Variants in CASKIN1 observed in about 807,000 individuals in gnomAD.
CASKIN1 encodes the protein caskin-1.
A neutral mutation model predicts 117.5 loss-of-function variants in CASKIN1; 42 were observed. The observed-to-expected ratio is 0.36, with a 90% CI of 0.28 to 0.46. CASKIN1 has a LOEUF of 0.46. Among genes scored for constraint, CASKIN1 ranks in the 20% least tolerant of loss-of-function variants. The pLI, the probability that CASKIN1 is intolerant of heterozygous loss-of-function variation, is 1.00. For synonymous variants in CASKIN1, 1,148 were observed against 961.7 expected, an observed-to-expected ratio of 1.19 and a Z score of -3.59; for missense variants, 2,083 against 2,077.3, an observed-to-expected ratio of 1.00 and a Z score of -0.05.
chr16:2,192,811 C>T (rs1226156441), intron 1 of CASKIN1, among the ~76,000 whole-genome samples: 1 of 152,180 alleles, frequency 6.6e-6, no homozygotes, highest in Non-Finnish European at 1.5e-5. Flanking sequence ...GGGACAAGGG[C>T]CGTCATCTGT....
rs751158923 is a variant in CASKIN1, at chr16:2,180,330, A to G, written c.3038T>C (p.Ile1013Thr). ...GCGGGCAGCCCGGCCCCCACCCCCA[A>G]TGGAGGACAGCTCCAGCATGGCCGC... ...SIAAMLELSS[I>T]GGGGRAARRP... The change falls in exon 18 of 20, where the codon ATT (isoleucine) becomes ACT (threonine). Residue 1013 changes from isoleucine to threonine, a missense_variant. Physicochemically the swap from Ile to Thr is moderately conservative, Grantham distance 89. Transcript: ENST00000343516. 6.3e-6 allele frequency: 10 copies of G among 1,597,356 alleles called. No individual in the cohort carries two copies. The highest frequency in any genetic ancestry group is 1.1e-5 in the South Asian group (1 of 90,052).
rs1360924210 is a variant in CASKIN1, at chr16:2,185,142, T to C, written c.1208A>G (p.His403Arg). The part of the protein sequence containing the change: ...GMAGGRGSGG[H>R]ALHAGSEGVK... Reference sequence around the variant, plus strand: ...GCCTTCAGAGCCCGCGTGTAGGGCGTGACCCCCGCTGCCCCGGCCGCCAGC... The same window carrying C: ...GCCTTCAGAGCCCGCGTGTAGGGCGCGACCCCCGCTGCCCCGGCCGCCAGC... Residue 403 changes from histidine (H) to arginine (R), a missense_variant, in exon 12 of 20, where the codon CAC becomes CGC. By Grantham distance (29) the His-to-Arg change is conservative (BLOSUM62 0). Transcript: ENST00000343516. The C allele has an allele frequency of 6.2e-7, 1 of 1,608,772 alleles. No individual in the cohort carries two copies.
chr16:2,180,751 G>A lies in CASKIN1; in HGVS notation c.2617C>T (p.Pro873Ser), dbSNP rs1259696402. Reference sequence around the variant, plus strand: ...TGGGCCCGCTTCTTGGGCCGCCCCGGCTCCGCGTCGGCCTCAGGGGGCAGG... The same window carrying A: ...TGGGCCCGCTTCTTGGGCCGCCCCGACTCCGCGTCGGCCTCAGGGGGCAGG... ...LCLPPEADAE[P>S]GRPKKRAHSL... The change falls in exon 18 of 20, where the codon CCG becomes TCG. Residue 873 changes from proline (P) to serine (S), a missense_variant. Transcript: ENST00000343516. 1 of 1,437,784 alleles carries A rather than the reference G, an allele frequency of 7.0e-7. No homozygotes were observed. Among genetic ancestry groups the A allele is most frequent in the Middle Eastern group, 2.2e-4 (1 of 4,458 alleles). The allele number at this position is 1,437,784 out of a possible 1,614,324, so 89.1% of individuals were successfully genotyped here.
chr16:2,179,078 C>T lies in CASKIN1; in HGVS notation c.4023G>A (p.Lys1341=). The T allele has an allele frequency of 2.0e-6, 2 of 982,976 alleles. No homozygotes were observed. The highest frequency in any genetic ancestry group is 2.4e-6 in the Non-Finnish European group (2 of 831,046). 60.9% of individuals were successfully genotyped at this position (982,976 alleles called of 1,614,324 possible). The change falls in exon 19 of 20, where the codon AAG becomes AAA. Residue 1341 remains lysine (K), a synonymous_variant. Transcript: ENST00000343516. The surrounding 1 kb of genome is among the most constrained non-coding windows in gnomAD (Gnocchi z 5.8). ...CGGCGGCGGCGGCGGCTCGCGGGGG[C>T]TTGGCGGGCACGTGCAGCGCGGGCG... is the stretch of plus-strand genomic sequence containing the variant. The part of the protein sequence containing the change: ...PGAPALHVPA[K]PPRAAAAAAA...
In CASKIN1 at chr16:2,180,285, G is replaced by C. The variant is rs772331098; in HGVS notation, c.3083C>G (p.Pro1028Arg). 3.2e-6 allele frequency: 5 copies of C among 1,574,404 alleles called. No homozygotes were observed. The highest frequency in any genetic ancestry group is 2.6e-6 in the Non-Finnish European group (3 of 1,163,268). ...CTCTGGGCTGGCAGGGCGGGGAGTG[G>C]GGTGGCCCTCAGGAGGCCTGCGGGC... is the stretch of plus-strand genomic sequence containing the variant. ...RAARRPPEGHPTPRPASPEPG... is the reference protein window; with the variant it reads ...RAARRPPEGHRTPRPASPEPG... Residue 1028 changes from proline (P) to arginine (R), a missense_variant, in exon 18 of 20, where the codon CCC becomes CGC. Coordinates refer to ENST00000343516, the MANE Select transcript of CASKIN1 (RefSeq NM_020764.4).
In CASKIN1 at chr16:2,179,819, C is replaced by T. The variant is rs771962081; in HGVS notation, c.3549G>A (p.Ser1183=). 7.5e-6 allele frequency: 12 copies of T among 1,589,632 alleles called. No individual in the cohort carries two copies. Among genetic ancestry groups the T allele is most frequent in the East Asian group, 6.9e-5 (3 of 43,728 alleles). The change falls in exon 18 of 20, where the codon TCG becomes TCA. Residue 1183 remains serine, a synonymous_variant. Coordinates refer to ENST00000343516, the MANE Select transcript of CASKIN1 (RefSeq NM_020764.4). This position sits in a 1 kb window ranked among gnomAD's most constrained non-coding sequence, Gnocchi z 5.8. The stretch of plus-strand genomic sequence containing the variant: ...GCAGCTCCGGAGGCCCAGCCTGCTC[C>T]GAGGCCGGTCGGCGGCGCACGGTGC... The part of the protein sequence containing the change: ...GTGTVRRRPA[S]EQAGPPELPP...
At position 2,182,027 on chromosome 16, in the gene CASKIN1, G is replaced by T; in HGVS notation, c.1630-98C>A. On this transcript the variant is annotated intron_variant, in intron 16 of 19. Coordinates refer to ENST00000343516, the MANE Select transcript of CASKIN1 (RefSeq NM_020764.4). The surrounding 1 kb of genome is among the most constrained non-coding windows in gnomAD (Gnocchi z 4.1). ...GAGGAAGGGTCACCGGGCCAGCAGG[G>T]CACAGACAGACAGGAGGACAAACGG... The T allele has an allele frequency of 6.5e-7, 1 of 1,544,360 alleles. No individual in the cohort carries two copies. Among genetic ancestry groups the T allele is most frequent in the Non-Finnish European group, 8.8e-7 (1 of 1,131,344 alleles).
rs775108304 is a variant in CASKIN1, at chr16:2,178,536, C to A, written c.*14G>T. The A allele has an allele frequency of 1.2e-5, 19 of 1,565,326 alleles. No individual in the cohort carries two copies. The East Asian group carries it at 4.6e-4, about 38-fold the overall frequency. ...AGGGCCCGGGCGGCGCGGGAGGGCCCGGCCAGGCGGCGTTCACTCCAGCAT... is the reference window on the plus strand; with the variant it reads ...AGGGCCCGGGCGGCGCGGGAGGGCCAGGCCAGGCGGCGTTCACTCCAGCAT... On this transcript the variant is annotated 3_prime_UTR_variant, in exon 20 of 20. Coordinates refer to ENST00000343516, the MANE Select transcript of CASKIN1 (RefSeq NM_020764.4).
In CASKIN1 at chr16:2,183,735, T is replaced by A. The variant is rs773983452; in HGVS notation, c.1540A>T (p.Ile514Phe). 1 of 1,613,318 alleles carries A rather than the reference T, an allele frequency of 6.2e-7. No homozygotes were observed. Among genetic ancestry groups the A allele is most frequent in the Non-Finnish European group, 8.5e-7 (1 of 1,179,988 alleles). ...CGGTGGCCCGGCTTGGTGACACCAA[T>A]GGCCGTGAGGTCCTAGGCAGTGGGG... ...SRMTPEDLTA[I>F]GVTKPGHRKK... The change falls in exon 16 of 20, where the codon ATT (isoleucine) becomes TTT (phenylalanine). Residue 514 changes from isoleucine (I) to phenylalanine (F), a missense_variant. Around this residue, in one of 3 missense-constraint regions of CASKIN1, gnomAD observed 1,818 missense variants for 1,688.9 expected, o/e 1.08. Transcript: ENST00000343516.
Position 2,183,921 on chromosome 16 carries a change from C to G in CASKIN1, c.1437G>C (p.Gln479His). The G allele has an allele frequency of 6.2e-7, 1 of 1,606,742 alleles. No homozygotes were observed. The highest frequency in any genetic ancestry group is 8.5e-7 in the Non-Finnish European group (1 of 1,178,284). Residue 479 changes from glutamine (Q) to histidine (H), a missense_variant, in exon 15 of 20, where the codon CAG becomes CAC. Gln to His is a conservative substitution (Grantham distance 24, BLOSUM62 0). Around this residue, in one of 3 missense-constraint regions of CASKIN1, gnomAD observed 1,818 missense variants for 1,688.9 expected, o/e 1.08. Transcript: ENST00000343516. ...GCTGCAGCTGGAACGCGGTGAGCCA[C>G]TGGCTCACGGCCTCAGAGCTCTGGA... ...SEGKSSEAVS[Q>H]WLTAFQLQLY... is the part of the protein sequence containing the mutation.
At chr16:2,184,520 CCCA>C (rs1402040158) in intron 14 of CASKIN1, among the ~76,000 whole-genome samples, 25 of 152,282 alleles carry the variant, frequency 1.6e-4, no homozygotes, top group East Asian at 1.4e-3. Flanking sequence ...AGCTCGCAGT[CCCA>C]CCATCACACA....
At position 2,179,655 on chromosome 16, in the gene CASKIN1, T is replaced by C. The variant is rs2093159748; in HGVS notation, c.3713A>G (p.Lys1238Arg). 4 of 1,505,674 alleles carry C rather than the reference T, an allele frequency of 2.7e-6. No homozygotes were observed. Among genetic ancestry groups the C allele is most frequent in the Non-Finnish European group, 3.5e-6 (4 of 1,133,898 alleles). The allele number at this position is 1,505,674 out of a possible 1,614,324, so 93.3% of individuals were successfully genotyped here. Residue 1238 changes from lysine (K) to arginine (R), a missense_variant, in exon 18 of 20, where the codon AAG becomes AGG. By Grantham distance (26) the Lys-to-Arg change is conservative. This residue lies in a region of CASKIN1 where 1,818 missense variants were observed against 1,688.9 expected (regional missense o/e 1.08). Transcript: ENST00000343516. This position sits in a 1 kb window ranked among gnomAD's most constrained non-coding sequence, Gnocchi z 5.8. Reference sequence around the variant, plus strand: ...GGTGGGTGTGGGCGAGCCCTGGAGCTTGGGCACAGGCTGCGTCAGGACGGG... The same window carrying C: ...GGTGGGTGTGGGCGAGCCCTGGAGCCTGGGCACAGGCTGCGTCAGGACGGG... The part of the protein sequence containing the change: ...PKPVLTQPVP[K>R]LQGSPTPTSK...
Position 2,187,191 on chromosome 16 carries a change from G to C in CASKIN1, c.810C>G (p.Ser270Arg). ...CTCGCAACAGCTGCTTGATCTCCCT[G>C]CTGGCCTGGGACGTGGTGAACTGGT... ...IVHQFTTSQA[S>R]REIKQLLREA... The change falls in exon 8 of 20, where the codon AGC becomes AGG. Residue 270 changes from serine to arginine, a missense_variant. Ser to Arg is a moderately radical substitution (Grantham distance 110). Around this residue, in one of 3 missense-constraint regions of CASKIN1, gnomAD observed 203 missense variants for 338.7 expected, o/e 0.60. Coordinates refer to ENST00000343516, the MANE Select transcript of CASKIN1 (RefSeq NM_020764.4). 3 of 1,613,998 alleles carry C rather than the reference G, an allele frequency of 1.9e-6. No individual in the cohort carries two copies. The highest frequency in any genetic ancestry group is 2.5e-6 in the Non-Finnish European group (3 of 1,179,972).
At position 2,179,208 on chromosome 16, in the gene CASKIN1, GA is replaced by G; in HGVS notation, c.3892del (p.Ser1298HisfsTer152). The G allele has an allele frequency of 8.6e-7, 1 of 1,166,284 alleles. No individual in the cohort carries two copies. The highest frequency in any genetic ancestry group is 1.1e-6 in the Non-Finnish European group (1 of 946,098). The allele number at this position is 1,166,284 out of a possible 1,614,324, so 72.2% of individuals were successfully genotyped here. On this transcript the variant is annotated frameshift_variant, in exon 19 of 20. Transcript: ENST00000343516. LOFTEE classifies it high-confidence loss of function. This position sits in a 1 kb window ranked among gnomAD's most constrained non-coding sequence, Gnocchi z 5.8. ...CTGTCGCGCGGGCGAGGGTGCGGGT[GA>G]AGGGCCGGCGCTGCCCGAAGGCAGC... Reference protein sequence around the residue: ...AGLPSGSAGPSPAPSPARQPP... With the variant: ...AGLPSGSAGPXPAPSPARQPP...
chr16:2,180,430 G>A lies in CASKIN1; in HGVS notation c.2938C>T (p.Arg980Trp), dbSNP rs755492319. 20 of 1,567,336 alleles carry A rather than the reference G, an allele frequency of 1.3e-5. No individual in the cohort carries two copies. The highest frequency in any genetic ancestry group is 6.9e-5 in the South Asian group (6 of 86,912). Residue 980 changes from arginine (R) to tryptophan (W), a missense_variant, in exon 18 of 20, where the codon CGG (arginine) becomes TGG (tryptophan). Arg to Trp is a moderately radical substitution (Grantham distance 101). Coordinates refer to ENST00000343516, the MANE Select transcript of CASKIN1 (RefSeq NM_020764.4). ...AEPEDGLLGV[R>W]AQCRRASDLA... ...TCACTGGCCCGCCGGCACTGTGCCC[G>A]GACCCCCAGCAGGCCATCCTCAGGC...
chr16:2,177,918 G>A lies in CASKIN1; in HGVS notation c.*632C>T. ...GCTAGCAGCCTGGGGCCTCCACTCT[G>A]GCCGGAGGAAGGACCGCAGGCAGAC... is the stretch of plus-strand genomic sequence containing the variant. On this transcript the variant is annotated 3_prime_UTR_variant, in exon 20 of 20. Coordinates refer to ENST00000343516, the MANE Select transcript of CASKIN1 (RefSeq NM_020764.4). 2.9e-6 allele frequency: 1 copy of A among 345,978 alleles called. No individual in the cohort carries two copies. Among genetic ancestry groups the A allele is most frequent in the Non-Finnish European group, 5.4e-6 (1 of 184,604 alleles). 21.4% of individuals were successfully genotyped at this position (345,978 alleles called of 1,614,324 possible). A position where few individuals can be genotyped will look rare whatever the true frequency, so the allele number is the denominator to read the frequency against.
At chr16:2,190,041 T>TGCCCCC in intron 3 of CASKIN1, 32 bp downstream of exon 3, 1 of 718,802 alleles carries the variant, frequency 1.4e-6, no homozygotes, top group Non-Finnish European at 2.4e-6. Flanking sequence ...CCCCCGCCCC[T>TGCCCCC]GCCCCCACCA....
rs911290443 is a variant in CASKIN1, at chr16:2,178,220, G to A, written c.*330C>T. The stretch of plus-strand genomic sequence containing the variant: ...GAGCGGCTGGCCGGGCGTCCCGATG[G>A]GCAGTTCTGTGCTGGGCCCGGGCCT... On this transcript the variant is annotated 3_prime_UTR_variant, in exon 20 of 20. Coordinates refer to ENST00000343516, the MANE Select transcript of CASKIN1 (RefSeq NM_020764.4). The A allele has an allele frequency of 2.3e-6, 1 of 444,046 alleles. No individual in the cohort carries two copies. The highest frequency in any genetic ancestry group is 4.2e-6 in the Non-Finnish European group (1 of 237,960). 27.5% of individuals were successfully genotyped at this position (444,046 alleles called of 1,614,324 possible).
intron 19 of CASKIN1, 92 bp from the exon 20 acceptor site, chr16:2,178,738 C>A (rs1196184324): frequency 3.7e-6 from 5 of 1,352,096 alleles, no homozygotes; most frequent in Non-Finnish European, 3.9e-6. Context: ...GCATCTCCGT[C>A]GGCTTCCGCC....
Sources: allele counts gnomAD v4.1 joint callset (sites outside exome capture counted in the v4.1 genomes callset), GRCh38; gene constraint gnomAD v4.1.1; regional missense constraint gnomAD v4.1.1; non-coding constraint Gnocchi (gnomAD v3.1); transcripts MANE v1.5; gene names NCBI Gene and HGNC (gene_info 2026-07-23, HGNC 2026-07-21).